The following CACNA1B variants were observed in gnomAD, a reference collection of about 807,000 sequenced individuals.
CACNA1B encodes calcium voltage-gated channel subunit alpha1 B.
CACNA1B carries 70 observed loss-of-function variants against 247.2 expected under a neutral mutation model. The ratio of observed to expected loss-of-function variants is 0.28; its 90% confidence interval spans 0.23 to 0.35. The LOEUF is 0.35. Among genes scored for constraint, CACNA1B ranks in the 10% least tolerant of loss-of-function variants. CACNA1B has a pLI of 1.00. For synonymous variants in CACNA1B, 1,231 were observed against 1,294.4 expected, an observed-to-expected ratio of 0.95 and a Z score of 1.05; for missense variants, 2,367 against 3,197.4, an observed-to-expected ratio of 0.74 and a Z score of 6.26.
intron 6 of CACNA1B, among the ~76,000 whole-genome samples, chr9:137,926,539 G>T (rs957341360): frequency 6.6e-6 from 1 of 152,146 alleles, no homozygotes; most frequent in Non-Finnish European, 1.5e-5. Flanking sequence ...ATTCTTTTGG[G>T]TATATACCCA....
intron 3 of CACNA1B, among the ~76,000 whole-genome samples, chr9:137,911,925 A>G (rs1475916140): frequency 2.6e-5 from 4 of 152,246 alleles, no homozygotes; most frequent in Admixed American, 1.3e-4. Flanking sequence ...TTTAAACAAT[A>G]GGTGACTGGT....
chr9:137,886,210 C>T (rs1261646057), intron 3 of CACNA1B, among the ~76,000 whole-genome samples: 1 of 151,728 alleles, frequency 6.6e-6, no homozygotes, highest in East Asian at 2.0e-4. Context: ...TGAGCCGGCT[C>T]CCCACACAGA....
intron 36 of CACNA1B, among the ~76,000 whole-genome samples, chr9:138,084,239 G>A (rs2131327041): frequency 6.6e-6 from 1 of 151,284 alleles, no homozygotes; most frequent in Admixed American, 6.6e-5. Context: ...TCTAAGTATA[G>A]GACACCAGCT....
chr9:137,892,705 C>T (rs1260520780), intron 3 of CACNA1B: 1 of 311,950 alleles, frequency 3.2e-6, no homozygotes, highest in Non-Finnish European at 6.3e-6. Context: ...CTGAGCACCA[C>T]CTCCTGCTCT....
chr9:137,985,337 T>G (rs75470672), intron 13 of CACNA1B, among the ~76,000 whole-genome samples: 5,957 of 152,338 alleles, frequency 0.039, 130 homozygotes, highest in South Asian at 0.071. Flanking sequence ...CTCAGACTTC[T>G]GTTGCCTTCC....
At chr9:138,117,772 C>T (rs1019088071) in intron 42 of CACNA1B, among the ~76,000 whole-genome samples, 174 bp from the exon 43 acceptor site, 3 of 152,108 alleles carry the variant, frequency 2.0e-5, no homozygotes, top group African/African-American at 4.8e-5. Context: ...GCACAGGCCA[C>T]GTTGGGGCTC....
chr9:137,902,043 T>C (rs1957246379), intron 3 of CACNA1B, among the ~76,000 whole-genome samples: 1 of 152,196 alleles, frequency 6.6e-6, no homozygotes, highest in African/African-American at 2.4e-5. Context: ...ATTTTCTTGT[T>C]ATATCCAGTG....
intron 40 of CACNA1B, among the ~76,000 whole-genome samples, chr9:138,113,172 GT>G (rs1236715916): frequency 7.2e-6 from 1 of 138,774 alleles, no homozygotes; most frequent in Non-Finnish European, 1.5e-5. Flanking sequence ...TTATGGGAAC[GT>G]GAGGGAGCGC....
chr9:137,947,028 C>CAAG, intron 6 of CACNA1B, among the ~76,000 whole-genome samples: 1 of 152,198 alleles, frequency 6.6e-6, no homozygotes, highest in East Asian at 1.9e-4. Flanking sequence ...TGGGCTCAAA[C>CAAG]AAGTTGCTCA....
intron 3 of CACNA1B, among the ~76,000 whole-genome samples, chr9:137,911,131 G>A (rs1177270160): frequency 1.3e-5 from 2 of 152,058 alleles, no homozygotes; most frequent in African/African-American, 4.8e-5. Context: ...CCACTTAATG[G>A]TCTTGGTACC....
At chr9:138,103,855 C>G (rs1275666851) in intron 38 of CACNA1B, among the ~76,000 whole-genome samples, 1 of 152,252 alleles carries the variant, frequency 6.6e-6, no homozygotes, top group Non-Finnish European at 1.5e-5. Flanking sequence ...TGCCCTGACT[C>G]TAGGTCTTTG....
At chr9:137,884,893 C>T (rs1465746796) in intron 3 of CACNA1B, among the ~76,000 whole-genome samples, 1 of 143,370 alleles carries the variant, frequency 7.0e-6, no homozygotes, top group Non-Finnish European at 1.5e-5. Context: ...CCCCCTCCCC[C>T]TCCTCTTCCC....
intron 37 of CACNA1B, among the ~76,000 whole-genome samples, chr9:138,099,586 G>T (rs1480565172): frequency 2.0e-5 from 3 of 151,466 alleles, no homozygotes; most frequent in African/African-American, 7.3e-5. Flanking sequence ...GCCTGTGTGT[G>T]CCTGTGGGTG....
At chr9:137,897,774 G>A (rs1423557762) in intron 3 of CACNA1B, among the ~76,000 whole-genome samples, 1 of 151,084 alleles carries the variant, frequency 6.6e-6, no homozygotes, top group East Asian at 1.9e-4. Context: ...CTGCCTCCTG[G>A]GTTCACACCA....
At position 138,052,238 on chromosome 9, in the gene CACNA1B, G is replaced by T. The variant is rs202166580; in HGVS notation, c.3807+50G>T. 1.7e-5 allele frequency: 16 copies of T among 947,998 alleles called. No homozygotes were observed. Among genetic ancestry groups the T allele is most frequent in the Non-Finnish European group, 2.5e-5 (15 of 604,778 alleles). The allele number at this position is 947,998 out of a possible 1,614,324, so 58.7% of individuals were successfully genotyped here. A position where few individuals can be genotyped will look rare whatever the true frequency, so the allele number is the denominator to read the frequency against. ...AGGGATGTGCTGTGTGTGTGTGCGT[G>T]TGTGTGTGTGCGTGTGTGTGTGTGT... On this transcript the variant is annotated intron_variant, in intron 25 of 46. Coordinates refer to ENST00000371372, the MANE Select transcript of CACNA1B (RefSeq NM_000718.4). The surrounding 1 kb of genome is among the most constrained non-coding windows in gnomAD (Gnocchi z 5.1).
Position 138,058,353 on chromosome 9 carries a change from C to A in CACNA1B, c.4308+103C>A. 9.2e-7 allele frequency: 1 copy of A among 1,085,722 alleles called. No individual in the cohort carries two copies. Among genetic ancestry groups the A allele is most frequent in the Non-Finnish European group, 1.4e-6 (1 of 721,694 alleles). 67.3% of individuals were successfully genotyped at this position (1,085,722 alleles called of 1,614,324 possible). A position where few individuals can be genotyped will look rare whatever the true frequency, so the allele number is the denominator to read the frequency against. On this transcript the variant is annotated intron_variant, in intron 28 of 46. Transcript: ENST00000371372. This position sits in a 1 kb window ranked among gnomAD's most constrained non-coding sequence, Gnocchi z 4.7. The stretch of plus-strand genomic sequence containing the variant: ...CTCACAGCTGGGTCAGCTTTGGCTG[C>A]CACCGTCTGCCAACACAGGGGCAGG...
At chr9:138,117,165 C>G (rs758401815) in intron 42 of CACNA1B, among the ~76,000 whole-genome samples, 38 of 152,176 alleles carry the variant, frequency 2.5e-4, no homozygotes, top group Non-Finnish European at 5.3e-4. Context: ...AATACCAGTG[C>G]GGAAGTATCT....
intron 39 of CACNA1B, among the ~76,000 whole-genome samples, chr9:138,112,081 T>C (rs1961655572): frequency 6.6e-6 from 1 of 152,118 alleles, no homozygotes; most frequent in Non-Finnish European, 1.5e-5. Context: ...TCCTCCTAAA[T>C]CCTCATTGCC....
intron 3 of CACNA1B, among the ~76,000 whole-genome samples, chr9:137,909,443 C>CG (rs1339632078): frequency 5.3e-5 from 8 of 152,162 alleles, no homozygotes; most frequent in Admixed American, 5.2e-4. Flanking sequence ...TAAGTGGGAG[C>CG]GTATGTTATT....
Sources: gnomAD v4.1 joint callset for allele counts (sites outside exome capture counted in the v4.1 genomes callset) on GRCh38, gnomAD v4.1.1 for gene constraint, Gnocchi (gnomAD v3.1) non-coding constraint, MANE v1.5 for transcripts, NCBI Gene and HGNC (gene_info 2026-07-23, HGNC 2026-07-21) for gene names.